USP49: variants seen among roughly 807,000 people sequenced by gnomAD.
USP49 encodes the protein ubiquitin specific peptidase 49.
A neutral mutation model predicts 58.6 loss-of-function variants in USP49; 24 were observed. That is an observed-to-expected ratio of 0.41 (90% confidence interval 0.30 to 0.58). The LOEUF (loss-of-function observed/expected upper bound fraction) is 0.58. Ranked by LOEUF, USP49 falls within the 20% of genes least tolerant of loss-of-function variation. USP49 has a pLI of 0.30. For synonymous variants in USP49, 408 were observed against 365.1 expected (o/e 1.12, Z -1.34); for missense variants, 703 against 866.1 (o/e 0.81, Z 2.36).
chr6:41,854,132 C>T (rs951598946), intron 3 of USP49, among the ~76,000 whole-genome samples: 14 of 150,844 alleles, frequency 9.3e-5, no homozygotes, highest in African/African-American at 3.4e-4. Context: ...GCCTGGCCAA[C>T]ATGGTGAAAC....
At chr6:41,886,820 A>T (rs1275954474) in intron 2 of USP49, among the ~76,000 whole-genome samples, 1 of 152,166 alleles carries the variant, frequency 6.6e-6, no homozygotes, top group Non-Finnish European at 1.5e-5. Context: ...AATCACTTGA[A>T]CCTGGGAGAC....
chr6:41,806,418 C>T lies in USP49; in HGVS notation c.566G>A (p.Arg189Gln), dbSNP rs759089210. 3 of 1,573,590 alleles carry T rather than the reference C, an allele frequency of 1.9e-6. No homozygotes were observed. Among genetic ancestry groups the T allele is most frequent in the South Asian group, 1.1e-5 (1 of 87,202 alleles). Residue 189 changes from arginine (R) to glutamine (Q), a missense_variant, in exon 4 of 8, where the codon CGG (arginine) becomes CAG (glutamine). Arg to Gln is a conservative substitution (Grantham distance 43). Coordinates refer to ENST00000682992, the MANE Select transcript of USP49 (RefSeq NM_001286554.2). The surrounding 1 kb of genome is among the most constrained non-coding windows in gnomAD (Gnocchi z 5.9). The part of the protein sequence containing the change: ...ERKKEEARRR[R>Q]REVKRRLLEE... ...CAGCAGCCGCCGTTTCACCTCGCGCCGCCGCCTCCGCGCCTCCTCCTTCTT... is the reference window on the plus strand; with the variant it reads ...CAGCAGCCGCCGTTTCACCTCGCGCTGCCGCCTCCGCGCCTCCTCCTTCTT...
chr6:41,849,822 G>A (rs1476127970), intron 3 of USP49, among the ~76,000 whole-genome samples: 1 of 152,038 alleles, frequency 6.6e-6, no homozygotes, highest in African/African-American at 2.4e-5. Context: ...TGGCCAATAT[G>A]GTCTTGATCT....
intron 1 of USP49, among the ~76,000 whole-genome samples, chr6:41,892,930 T>G (rs1308403991): frequency 6.6e-6 from 1 of 152,216 alleles, no homozygotes; most frequent in Non-Finnish European, 1.5e-5. Flanking sequence ...CTGAAAAAAA[T>G]CATTAAAACA....
intron 3 of USP49, among the ~76,000 whole-genome samples, chr6:41,823,507 T>C (rs893626819): frequency 2.6e-5 from 4 of 152,194 alleles, no homozygotes; most frequent in African/African-American, 9.7e-5. Context: ...CCTCACATCT[T>C]TTCCATAAGC....
At chr6:41,859,519 C>T (rs1475232223) in intron 3 of USP49, among the ~76,000 whole-genome samples, 2 of 152,138 alleles carry the variant, frequency 1.3e-5, no homozygotes, top group Non-Finnish European at 2.9e-5. Flanking sequence ...CCATGCTGTA[C>T]TGTAATTGTC....
rs1217857890 is a variant in USP49, at chr6:41,790,965, T to C, written c.*5568A>G. ...GGAAACTTTTAAGCCATAGTATAGA[T>C]GCTAACCCCCATTTAGACCTGCATC... On this transcript the variant is annotated 3_prime_UTR_variant, in exon 8 of 8. Transcript: ENST00000682992. 1 of 152,182 alleles carries C rather than the reference T, an allele frequency of 6.6e-6. No individual in the cohort carries two copies. Among genetic ancestry groups the C allele is most frequent in the Non-Finnish European group, 1.5e-5 (1 of 68,038 alleles). The allele number at this position is 152,182 out of a possible 1,614,324, so 9.4% of individuals were successfully genotyped here.
intron 1 of USP49, among the ~76,000 whole-genome samples, chr6:41,892,611 T>C (rs1250967118): frequency 6.6e-6 from 1 of 152,238 alleles, no homozygotes; most frequent in African/African-American, 2.4e-5. Context: ...GAAAGAGTTT[T>C]CTAAATTATA....
At chr6:41,818,647 G>A (rs1773400205) in intron 3 of USP49, among the ~76,000 whole-genome samples, 1 of 152,106 alleles carries the variant, frequency 6.6e-6, no homozygotes, top group Non-Finnish European at 1.5e-5. Flanking sequence ...CACTAACCTG[G>A]GGAATCAGCT....
chr6:41,799,016 A>T, intron 6 of USP49, 87 bp from the exon 7 acceptor site: 1 of 1,488,592 alleles, frequency 6.7e-7, no homozygotes. Context: ...CAGGAAACTG[A>T]GAAAATTTAA....
chr6:41,870,731 G>A (rs1774399950), intron 3 of USP49, among the ~76,000 whole-genome samples: 1 of 117,606 alleles, frequency 8.5e-6, no homozygotes, highest in African/African-American at 3.2e-5. Context: ...TTGCTATATT[G>A]CCCAGGCTGG....
In USP49 at chr6:41,810,173, A is replaced by T. The variant is rs1212646526; in HGVS notation, c.-28-3162T>A. Among the ~76,000 whole-genome samples the T allele has an allele frequency of 2.7e-5, 4 of 149,706 alleles. No homozygotes were observed. In the East Asian group the frequency reaches 6.0e-4, roughly 23 times the overall value. Reference sequence around the variant, plus strand: ...TCTCAAAAAATAAATAAATAAAAATAAAAAAATAAAGAAAATAATAAAATA... The same window carrying T: ...TCTCAAAAAATAAATAAATAAAAATTAAAAAATAAAGAAAATAATAAAATA... On this transcript the variant is annotated intron_variant, in intron 3 of 7. Coordinates refer to ENST00000682992, the MANE Select transcript of USP49 (RefSeq NM_001286554.2).
chr6:41,881,288 CAAAAAAAAAAAAA>C (rs57022965), intron 2 of USP49, among the ~76,000 whole-genome samples: 10 of 20,388 alleles, frequency 4.9e-4, no homozygotes, highest in East Asian at 2.8e-3. Flanking sequence ...CATTAAATAC[CAAAAAAAAAAAAA>C]AAAAAAAAAA....
Position 41,889,327 on chromosome 6 carries a change from G to A in USP49, c.-103+2467C>T, listed in dbSNP as rs549323053. Among the ~76,000 whole-genome samples, 14 of 152,150 alleles carry A rather than the reference G, an allele frequency of 9.2e-5. 1 individual carries two copies. The highest frequency in any genetic ancestry group is 3.1e-4 in the African/African-American group (13 of 41,516). ...GGATTACAGGTATGAGCCACCGCAC[G>A]CAGCCAACCAATATTCTTAAAGCAA... is the stretch of plus-strand genomic sequence containing the variant. On this transcript the variant is annotated intron_variant, in intron 2 of 7. Transcript: ENST00000682992.
chr6:41,826,229 T>C (rs1305019600), intron 3 of USP49, among the ~76,000 whole-genome samples: 1 of 152,040 alleles, frequency 6.6e-6, no homozygotes. Flanking sequence ...ATCGCGCAAC[T>C]GCACTCCAGC....
intron 3 of USP49, among the ~76,000 whole-genome samples, chr6:41,848,148 T>G (rs1215851502): frequency 2.0e-5 from 3 of 152,142 alleles, no homozygotes; most frequent in Non-Finnish European, 4.4e-5. Flanking sequence ...AACAGAATGC[T>G]GTAACTTTAA....
At position 41,803,269 on chromosome 6, in the gene USP49, G is replaced by A. The variant is rs754593061; in HGVS notation, c.1561+537C>T. Among the ~76,000 whole-genome samples the A allele has an allele frequency of 1.3e-5, 2 of 151,752 alleles. No homozygotes were observed. Among genetic ancestry groups the A allele is most frequent in the African/African-American group, 2.4e-5 (1 of 41,378 alleles). On this transcript the variant is annotated intron_variant, in intron 5 of 7. Transcript: ENST00000682992. The surrounding 1 kb of genome is among the most constrained non-coding windows in gnomAD (Gnocchi z 4.1). ...GATGACAACTAATGTCAATCAGGAG[G>A]TCAATCAACTCCTAGGTCTTTGTTT...
intron 3 of USP49, among the ~76,000 whole-genome samples, chr6:41,861,932 C>T (rs959402839): frequency 2.6e-5 from 4 of 152,098 alleles, no homozygotes; most frequent in African/African-American, 9.7e-5. Context: ...AACTCCTGTC[C>T]CTCAGGCAAT....
rs564104295 is a variant in USP49 at position 41,840,306 on chromosome 6, G to A, written c.-29+31258C>T. Among the ~76,000 whole-genome samples, 9 of 151,020 alleles carry A rather than the reference G, an allele frequency of 6.0e-5. No individual in the cohort carries two copies. In the East Asian group the frequency reaches 1.6e-3, roughly 26 times the overall value. ...GGAGAATGGCGTCAACCCGGGAGGCGGAGCTTGCAGTGAGCCGAGATTACA... is the reference window on the plus strand; with the variant it reads ...GGAGAATGGCGTCAACCCGGGAGGCAGAGCTTGCAGTGAGCCGAGATTACA... On this transcript the variant is annotated intron_variant, in intron 3 of 7. Coordinates refer to ENST00000682992, the MANE Select transcript of USP49 (RefSeq NM_001286554.2).
Sources: allele counts gnomAD v4.1 joint callset (sites outside exome capture counted in the v4.1 genomes callset), GRCh38; gene constraint gnomAD v4.1.1; non-coding constraint Gnocchi (gnomAD v3.1); transcripts MANE v1.5; gene names NCBI Gene and HGNC (gene_info 2026-07-23, HGNC 2026-07-21).